CHD6: variants seen among roughly 807,000 people sequenced by gnomAD.
CHD6 encodes the protein chromodomain helicase DNA binding protein 6, also known as ATP-dependent chromatin remodeler CHD6.
In CHD6, 50 loss-of-function variants were observed where a neutral mutation model predicts 276.9. That is an observed-to-expected ratio of 0.18 (90% CI 0.14 to 0.23). The LOEUF is 0.23. Among genes scored for constraint, CHD6 ranks in the 10% least tolerant of loss-of-function variants. The probability of loss-of-function intolerance (pLI) is 1.00; values close to 1 mark genes in which losing one functional copy is unlikely to be tolerated. For synonymous variants in CHD6, 1,173 were observed against 1,229.3 expected (o/e 0.95, Z 0.96); for missense variants, 2,564 against 3,365.8 (o/e 0.76, Z 5.89).
chr20:41,462,771 T>C (rs1182626676), intron 17 of CHD6, among the ~76,000 whole-genome samples: 1 of 152,234 alleles, frequency 6.6e-6, no homozygotes, highest in Non-Finnish European at 1.5e-5. Context: ...TACACACATA[T>C]ACAAATGAAT....
intron 36 of CHD6, 74 bp from the exon 37 acceptor site, chr20:41,405,563 G>T: frequency 8.5e-7 from 1 of 1,182,140 alleles, no homozygotes; most frequent in Non-Finnish European, 1.2e-6. Context: ...GATGACCAGG[G>T]CTCTGCACTG....
At chr20:41,510,469 G>A (rs551229676) in intron 5 of CHD6, among the ~76,000 whole-genome samples, 2 of 152,172 alleles carry the variant, frequency 1.3e-5, no homozygotes, top group Admixed American at 6.5e-5. Context: ...CCACATGGTC[G>A]CTTCTCTGAA....
intron 3 of CHD6, among the ~76,000 whole-genome samples, chr20:41,529,284 T>C (rs747498292): frequency 2.0e-5 from 3 of 152,228 alleles, no homozygotes; most frequent in Non-Finnish European, 4.4e-5. Context: ...TATATATACA[T>C]ATACATATCT....
At chr20:41,447,455 T>C (rs990894266) in intron 24 of CHD6, among the ~76,000 whole-genome samples, 1 of 152,076 alleles carries the variant, frequency 6.6e-6, no homozygotes, top group Non-Finnish European at 1.5e-5. Flanking sequence ...TGCAACAAAA[T>C]GAATAGGCCG....
At chr20:41,455,767 AC>A (rs3833312) in intron 19 of CHD6, 32 bp downstream of exon 19, 42,442 of 1,386,478 alleles carry the variant, frequency 0.031, 729 homozygotes, top group East Asian at 0.05. Context: ...TTTCTCTCCC[AC>A]CCCCAACAGC....
chr20:41,414,453 T>C (rs1296314947), intron 34 of CHD6: 2 of 162,326 alleles, frequency 1.2e-5, no homozygotes, highest in East Asian at 2.8e-4. Context: ...CAATAAGTAC[T>C]AGTTATTATT....
intron 18 of CHD6, 113 bp downstream of exon 18, chr20:41,457,151 G>A (rs1416684278): frequency 1.6e-6 from 2 of 1,223,132 alleles, no homozygotes; most frequent in South Asian, 1.7e-5. Flanking sequence ...AATGATGTGA[G>A]GGCTGGCTCA....
chr20:41,552,737 A>G (rs1440573993), intron 1 of CHD6, among the ~76,000 whole-genome samples: 3 of 152,194 alleles, frequency 2.0e-5, no homozygotes, highest in Non-Finnish European at 4.4e-5. Flanking sequence ...AAAGAACCAC[A>G]AAATGCCATG....
intron 1 of CHD6, among the ~76,000 whole-genome samples, chr20:41,558,478 G>A (rs2045264209): frequency 6.6e-6 from 1 of 152,168 alleles, no homozygotes; most frequent in African/African-American, 2.4e-5. Context: ...CGTAAATGAC[G>A]AAGAAGATGT....
intron 2 of CHD6, among the ~76,000 whole-genome samples, chr20:41,542,725 G>A (rs2044969042): frequency 6.6e-6 from 1 of 151,882 alleles, no homozygotes; most frequent in South Asian, 2.1e-4. Flanking sequence ...TGTATTCATG[G>A]ATAAGGAATT....
rs767933950 is a variant in CHD6 at position 41,404,602 on chromosome 20, G to T, written c.8139C>A (p.Asp2713Glu). 1.4e-6 allele frequency: 2 copies of T among 1,479,846 alleles called. No homozygotes were observed. The highest frequency in any genetic ancestry group is 1.6e-5 in the South Asian group (1 of 63,980). The allele number at this position is 1,479,846 out of a possible 1,614,324, so 91.7% of individuals were successfully genotyped here. A position where few individuals can be genotyped will look rare whatever the true frequency, so the allele number is the denominator to read the frequency against. The change falls in exon 37 of 37, where the codon GAC becomes GAA. Residue 2713 changes from aspartate (D) to glutamate (E), a missense_variant. By Grantham distance (45) the Asp-to-Glu change is conservative (BLOSUM62 2). This residue lies in a region of CHD6 where 238 missense variants were observed against 266.0 expected (regional missense o/e 0.89). Transcript: ENST00000373233. ...TTAAATGAAAAAAGTTCTAATTGGT[G>T]TCGTTGTTGGAGTCTTTGAGTGCCC... ...GEGALKDSNNDTN is the reference protein window; with the variant it reads ...GEGALKDSNNETN
intron 1 of CHD6, among the ~76,000 whole-genome samples, chr20:41,606,042 G>T (rs1490100775): frequency 3.3e-5 from 5 of 152,180 alleles, no homozygotes; most frequent in East Asian, 1.9e-4. Context: ...AATAATGGTT[G>T]ACTCTGTCTC....
At chr20:41,517,528 C>G (rs561117358) in intron 3 of CHD6, among the ~76,000 whole-genome samples, 2 of 152,194 alleles carry the variant, frequency 1.3e-5, no homozygotes, top group Non-Finnish European at 2.9e-5. Flanking sequence ...TAACAAGGGA[C>G]TTGTACCCTT....
chr20:41,404,016 T>C lies in CHD6; in HGVS notation c.*577A>G. On this transcript the variant is annotated 3_prime_UTR_variant, in exon 37 of 37. Coordinates refer to ENST00000373233, the MANE Select transcript of CHD6 (RefSeq NM_032221.5). The stretch of plus-strand genomic sequence containing the variant: ...TTACTACCGGTAAGGTTTTTGTTTT[T>C]TATAAAGAAATGAATATATGTATTT... 1 of 1,051,352 alleles carries C rather than the reference T, an allele frequency of 9.5e-7. No individual in the cohort carries two copies. 65.1% of individuals were successfully genotyped at this position (1,051,352 alleles called of 1,614,324 possible). A position where few individuals can be genotyped will look rare whatever the true frequency, so the allele number is the denominator to read the frequency against.
At chr20:41,557,094 T>C (rs2045247120) in intron 1 of CHD6, among the ~76,000 whole-genome samples, 2 of 152,190 alleles carry the variant, frequency 1.3e-5, no homozygotes, top group South Asian at 4.1e-4. Flanking sequence ...AGAAACATAA[T>C]ACAGATAATT....
intron 3 of CHD6, among the ~76,000 whole-genome samples, chr20:41,532,101 A>G (rs952016839): frequency 1.3e-5 from 2 of 152,232 alleles, no homozygotes; most frequent in Non-Finnish European, 2.9e-5. Context: ...AATGAGAAAT[A>G]TAATATTTGC....
intron 1 of CHD6, among the ~76,000 whole-genome samples, chr20:41,556,762 A>G (rs2045243454): frequency 6.6e-6 from 1 of 152,226 alleles, no homozygotes; most frequent in Non-Finnish European, 1.5e-5. Context: ...ATCAACATCA[A>G]TAGGTGTTCA....
At chr20:41,417,142 A>C in intron 32 of CHD6, 56 bp downstream of exon 32, 1 of 1,507,706 alleles carries the variant, frequency 6.6e-7, no homozygotes, top group Admixed American at 2.2e-5. Context: ...TAAAAAAAGC[A>C]ATTCAAAGCT....
intron 17 of CHD6, among the ~76,000 whole-genome samples, chr20:41,472,845 T>C (rs1177779858): frequency 6.6e-6 from 1 of 152,232 alleles, no homozygotes; most frequent in African/African-American, 2.4e-5. Context: ...CTCTAATGTG[T>C]TGCACTGTGT....
Sources: gnomAD v4.1 joint callset for allele counts (sites outside exome capture counted in the v4.1 genomes callset) on GRCh38, gnomAD v4.1.1 for gene constraint, gnomAD v4.1.1 regional missense constraint, MANE v1.5 for transcripts, NCBI Gene and HGNC (gene_info 2026-07-23, HGNC 2026-07-21) for gene names.